Variants in EPHA3 observed in about 807,000 individuals in gnomAD.
The protein encoded by EPHA3 is ephrin type-A receptor 3.
In EPHA3, 42 loss-of-function variants were observed where a neutral mutation model predicts 107.1. The observed-to-expected ratio is 0.39, with a 90% CI of 0.31 to 0.51. EPHA3 has a LOEUF of 0.51. Ranked by LOEUF, EPHA3 falls within the 20% of genes least tolerant of loss-of-function variation. The probability of loss-of-function intolerance (pLI) is 0.78; values close to 1 mark genes in which losing one functional copy is unlikely to be tolerated. For synonymous variants in EPHA3, 461 were observed against 424.8 expected (o/e 1.09, Z -1.05); for missense variants, 1,183 against 1,211.2 (o/e 0.98, Z 0.35).
intron 13 of EPHA3, among the ~76,000 whole-genome samples, chr3:89,447,438 T>C (rs1709896110): frequency 6.6e-6 from 1 of 152,166 alleles, no homozygotes; most frequent in Non-Finnish European, 1.5e-5. Context: ...CTTCTGGCAG[T>C]ACTCTCCCTG....
chr3:89,151,373 T>C (rs1704687211), intron 2 of EPHA3, among the ~76,000 whole-genome samples: 2 of 152,088 alleles, frequency 1.3e-5, no homozygotes, highest in South Asian at 4.1e-4. Context: ...GAAGTGTGTC[T>C]GCATGAAAGA....
chr3:89,368,378 A>C (rs78511230), intron 5 of EPHA3, among the ~76,000 whole-genome samples: 2,332 of 150,474 alleles, frequency 0.015, 61 homozygotes, highest in African/African-American at 0.053. Context: ...ATGTAGAGAT[A>C]TGTAAGAGGA....
chr3:89,287,496 T>G (rs1706116519), intron 3 of EPHA3, among the ~76,000 whole-genome samples: 1 of 152,008 alleles, frequency 6.6e-6, no homozygotes, highest in South Asian at 2.1e-4. Context: ...ATGGGCTGAC[T>G]CAGTTAAGGG....
chr3:89,368,209 AT>A (rs1185831063), intron 5 of EPHA3, among the ~76,000 whole-genome samples: 3 of 150,458 alleles, frequency 2.0e-5, no homozygotes, highest in Non-Finnish European at 4.5e-5. Flanking sequence ...AAAAATTATT[AT>A]TTTAAGAGAA....
intron 2 of EPHA3, among the ~76,000 whole-genome samples, chr3:89,206,656 T>C (rs1378111208): frequency 6.6e-6 from 1 of 152,156 alleles, no homozygotes; most frequent in African/African-American, 2.4e-5. Context: ...TGTTGACTGT[T>C]TTTTTATATT....
chr3:89,347,753 G>A (rs1707707504), intron 5 of EPHA3, among the ~76,000 whole-genome samples: 1 of 150,316 alleles, frequency 6.7e-6, no homozygotes, highest in South Asian at 2.1e-4. Flanking sequence ...CTGTGGGTTT[G>A]TCATAGATAG....
chr3:89,402,808 G>T, intron 7 of EPHA3, among the ~76,000 whole-genome samples: 1 of 152,156 alleles, frequency 6.6e-6, no homozygotes, highest in East Asian at 1.9e-4. Flanking sequence ...CGATTCTATA[G>T]CTGGGATTAC....
intron 15 of EPHA3, among the ~76,000 whole-genome samples, chr3:89,458,416 C>G (rs1313947511): frequency 6.6e-6 from 1 of 151,886 alleles, no homozygotes; most frequent in Non-Finnish European, 1.5e-5. Flanking sequence ...CAAGGCATTT[C>G]CAAAAAGTAG....
At chr3:89,245,182 T>C (rs1466213994) in intron 3 of EPHA3, among the ~76,000 whole-genome samples, 1 of 152,212 alleles carries the variant, frequency 6.6e-6, no homozygotes, top group East Asian at 1.9e-4. Flanking sequence ...TGAACAACTT[T>C]GAGTTACTTT....
chr3:89,460,383 A>G (rs1461477780), intron 15 of EPHA3, among the ~76,000 whole-genome samples: 1 of 152,230 alleles, frequency 6.6e-6, no homozygotes, highest in Non-Finnish European at 1.5e-5. Context: ...AATATATTTA[A>G]TAATATTTAG....
At chr3:89,188,003 A>C (rs1705614366) in intron 2 of EPHA3, among the ~76,000 whole-genome samples, 1 of 152,160 alleles carries the variant, frequency 6.6e-6, no homozygotes, top group African/African-American at 2.4e-5. Flanking sequence ...AAGTAATCTG[A>C]AAAAAATTCA....
At chr3:89,336,289 T>C (rs1471212188) in intron 3 of EPHA3, among the ~76,000 whole-genome samples, 1 of 152,152 alleles carries the variant, frequency 6.6e-6, no homozygotes, top group Admixed American at 6.6e-5. Flanking sequence ...GTTTTCAATA[T>C]ACAATCATTG....
intron 3 of EPHA3, among the ~76,000 whole-genome samples, chr3:89,317,987 A>G (rs1010223961): frequency 2.0e-5 from 3 of 151,858 alleles, no homozygotes; most frequent in African/African-American, 7.2e-5. Flanking sequence ...AATATTGCAC[A>G]CGGGGTTAAT....
At chr3:89,282,277 A>G (rs1343588621) in intron 3 of EPHA3, among the ~76,000 whole-genome samples, 2 of 152,292 alleles carry the variant, frequency 1.3e-5, no homozygotes, top group Non-Finnish European at 1.5e-5. Flanking sequence ...GAGAAGTGAC[A>G]TTTAAGCTGA....
chr3:89,418,223 C>T (rs1258123378), intron 10 of EPHA3, among the ~76,000 whole-genome samples: 9 of 151,402 alleles, frequency 5.9e-5, no homozygotes, highest in Non-Finnish European at 1.2e-4. Flanking sequence ...GCTCATTTGA[C>T]ATTAAAAACT....
chr3:89,379,097 A>G (rs1708453679), intron 5 of EPHA3, among the ~76,000 whole-genome samples: 1 of 152,164 alleles, frequency 6.6e-6, no homozygotes, highest in Non-Finnish European at 1.5e-5. Context: ...GCAGCAGGTA[A>G]TCTGTCTCTG....
At chr3:89,369,721 C>T (rs1410527048) in intron 5 of EPHA3, among the ~76,000 whole-genome samples, 6 of 147,426 alleles carry the variant, frequency 4.1e-5, no homozygotes, top group African/African-American at 1.3e-4. Context: ...GAACAGGCAA[C>T]CTACAAAATG....
At chr3:89,162,296 C>T (rs1053926918) in intron 2 of EPHA3, among the ~76,000 whole-genome samples, 5 of 152,008 alleles carry the variant, frequency 3.3e-5, no homozygotes, top group African/African-American at 1.2e-4. Context: ...CAGGAACATG[C>T]CATACTCCAA....
intron 2 of EPHA3, among the ~76,000 whole-genome samples, chr3:89,182,665 G>A (rs557798225): frequency 2.0e-4 from 30 of 151,906 alleles, no homozygotes; most frequent in East Asian, 3.9e-4. Flanking sequence ...TGTGTGGTGC[G>A]TGCATAGGCA....
Sources: allele counts gnomAD v4.1 joint callset (sites outside exome capture counted in the v4.1 genomes callset), GRCh38; gene constraint gnomAD v4.1.1; transcripts MANE v1.5; gene names NCBI Gene and HGNC (gene_info 2026-07-23, HGNC 2026-07-21).